The following TTC29 variants were observed in gnomAD, a reference collection of about 807,000 sequenced individuals.
TTC29 encodes tetratricopeptide repeat domain 29, also known as tetratricopeptide repeat protein 29.
Under a neutral mutation model 58.1 loss-of-function variants are expected in TTC29, and 49 were observed. The observed-to-expected ratio is 0.84, with a 90% CI of 0.67 to 1.07. The LOEUF is 1.07. TTC29 is among the 50% of genes least tolerant of loss of function. The pLI is 0.00. For synonymous variants in TTC29, 209 were observed against 196.8 expected, an observed-to-expected ratio of 1.06 and a Z score of -0.52; for missense variants, 582 against 555.6, an observed-to-expected ratio of 1.05 and a Z score of -0.48.
intron 11 of TTC29, among the ~76,000 whole-genome samples, chr4:146,716,341 G>A (rs1278425783): frequency 6.6e-6 from 1 of 151,982 alleles, no homozygotes; most frequent in Non-Finnish European, 1.5e-5. Flanking sequence ...GTAACAGTTT[G>A]GAAAATATAC....
At chr4:146,820,815 G>A (rs778548400) in intron 9 of TTC29, among the ~76,000 whole-genome samples, 8 of 152,104 alleles carry the variant, frequency 5.3e-5, no homozygotes, top group Non-Finnish European at 1.0e-4. Context: ...GGCGGATCAC[G>A]AGGTCAGGAG....
intron 4 of TTC29, among the ~76,000 whole-genome samples, chr4:146,935,422 T>C (rs1038208911): frequency 6.6e-6 from 1 of 152,202 alleles, no homozygotes; most frequent in African/African-American, 2.4e-5. Context: ...AGGATATATC[T>C]TAGACATTGT....
At chr4:146,855,105 T>A (rs1729756441) in intron 8 of TTC29, among the ~76,000 whole-genome samples, 1 of 152,114 alleles carries the variant, frequency 6.6e-6, no homozygotes, top group African/African-American at 2.4e-5. Context: ...AAGACCAGCC[T>A]GGCCAATATG....
chr4:146,778,296 C>T (rs1366189917), intron 11 of TTC29, among the ~76,000 whole-genome samples: 9 of 151,602 alleles, frequency 5.9e-5, no homozygotes, highest in Admixed American at 3.3e-4. Context: ...AGCTCTATTT[C>T]GTTAATTTTG....
In TTC29 at chr4:146,814,923, C is replaced by T. The variant is rs554840010; in HGVS notation, c.1101+5202G>A. On this transcript the variant is annotated intron_variant, in intron 10 of 12. Coordinates refer to ENST00000325106, the MANE Select transcript of TTC29 (RefSeq NM_031956.4). ...TGTTCTAAGGCAGGAACTAGCTTAA[C>T]ATGCTTAAAGAACTCCAAGAATGTC... 1.3e-4 allele frequency among the ~76,000 whole-genome samples: 20 copies of T among 152,172 alleles called. 1 individual carries two copies. In the South Asian group the frequency reaches 3.1e-3, roughly 24 times the overall value.
intron 11 of TTC29, among the ~76,000 whole-genome samples, chr4:146,775,649 A>T (rs1317385548): frequency 6.6e-6 from 1 of 151,664 alleles, no homozygotes; most frequent in African/African-American, 2.4e-5. Context: ...TTCTCTTTGT[A>T]GATGATCTGC....
chr4:146,794,898 T>C (rs1331256443), intron 11 of TTC29, among the ~76,000 whole-genome samples: 1 of 152,144 alleles, frequency 6.6e-6, no homozygotes, highest in African/African-American at 2.4e-5. Context: ...ATCAGACTTA[T>C]CTCACTAAAG....
chr4:146,801,978 C>CA (rs57486017), intron 11 of TTC29, among the ~76,000 whole-genome samples: 1,670 of 38,786 alleles, frequency 0.043, 367 homozygotes, highest in Non-Finnish European at 0.08. Flanking sequence ...GACTCTGTCT[C>CA]AAAAAAAAAA....
chr4:146,819,568 G>A (rs1302094085), intron 10 of TTC29, among the ~76,000 whole-genome samples: 1 of 152,108 alleles, frequency 6.6e-6, no homozygotes, highest in African/African-American at 2.4e-5. Context: ...ACTAATAACA[G>A]CTTCTTGAAT....
chr4:146,834,041 G>T, intron 8 of TTC29, 144 bp from the exon 9 acceptor site: 1 of 537,770 alleles, frequency 1.9e-6, no homozygotes, highest in Non-Finnish European at 3.2e-6. Flanking sequence ...ATGTTGGTTT[G>T]GTTTATTTTT....
chr4:146,721,902 C>T (rs1743385126), intron 11 of TTC29, among the ~76,000 whole-genome samples: 2 of 152,034 alleles, frequency 1.3e-5, no homozygotes, highest in South Asian at 4.2e-4. Flanking sequence ...GATTCTATAC[C>T]TAGAAAACCC....
intron 11 of TTC29, among the ~76,000 whole-genome samples, chr4:146,786,259 A>C (rs1749005535): frequency 1.3e-5 from 2 of 152,208 alleles, no homozygotes; most frequent in Admixed American, 6.5e-5. Flanking sequence ...TGTAAGGTAT[A>C]ATGCACAAGT....
At chr4:146,842,170 T>C (rs1240285511) in intron 8 of TTC29, among the ~76,000 whole-genome samples, 2 of 152,050 alleles carry the variant, frequency 1.3e-5, no homozygotes, top group Non-Finnish European at 2.9e-5. Flanking sequence ...CAGCTCAAAA[T>C]GTGCATAGTG....
In TTC29 at chr4:146,886,528, T is replaced by G. The variant is rs917400860; in HGVS notation, c.587-11600A>C. Among the ~76,000 whole-genome samples, 19 of 152,266 alleles carry G rather than the reference T, an allele frequency of 1.2e-4. No homozygotes were observed. The East Asian group carries it at 3.7e-3, about 29-fold the overall frequency. On this transcript the variant is annotated intron_variant, in intron 6 of 12. Transcript: ENST00000325106. ...CCCACTGATAGAATGGGATACTCAT[T>G]GAACACGACATGGGAAGCGTGGGCT...
intron 6 of TTC29, among the ~76,000 whole-genome samples, chr4:146,900,835 TTA>T (rs1554031683): frequency 6.6e-6 from 1 of 152,172 alleles, no homozygotes; most frequent in Non-Finnish European, 1.5e-5. Flanking sequence ...AAGTTTTATG[TTA>T]TGTTTTTCAC....
At chr4:146,906,995 G>T (rs180671415) in intron 5 of TTC29, among the ~76,000 whole-genome samples, 46 of 152,224 alleles carry the variant, frequency 3.0e-4, no homozygotes, top group East Asian at 2.7e-3. Context: ...GGTGGTTTGT[G>T]CCTGTAGTCC....
At chr4:146,908,948 T>C in intron 5 of TTC29, 78 bp downstream of exon 5, 2 of 1,247,850 alleles carry the variant, frequency 1.6e-6, no homozygotes, top group Non-Finnish European at 2.3e-6. Flanking sequence ...AATTCATACA[T>C]GAAACAATCT....
In TTC29 at chr4:146,848,360, T is replaced by C. The variant is rs571706831; in HGVS notation, c.886-14463A>G. 2.6e-5 allele frequency among the ~76,000 whole-genome samples: 4 copies of C among 152,360 alleles called. No homozygotes were observed. In the South Asian group the frequency reaches 8.3e-4, roughly 32 times the overall value. ...GAAATAATGTTTTTACACAGTTTACTGTGTAATATTATAAGATGAAGAATG... is the reference window on the plus strand; with the variant it reads ...GAAATAATGTTTTTACACAGTTTACCGTGTAATATTATAAGATGAAGAATG... On this transcript the variant is annotated intron_variant, in intron 8 of 12. Coordinates refer to ENST00000325106, the MANE Select transcript of TTC29 (RefSeq NM_031956.4).
In TTC29 at chr4:146,941,131, G is replaced by T. The variant is rs147221095; in HGVS notation, c.-6-1230C>A. Among the ~76,000 whole-genome samples the T allele has an allele frequency of 2.6e-5, 4 of 152,204 alleles. No homozygotes were observed. In the East Asian group the frequency reaches 7.7e-4, roughly 29 times the overall value. On this transcript the variant is annotated intron_variant, in intron 2 of 12. Coordinates refer to ENST00000325106, the MANE Select transcript of TTC29 (RefSeq NM_031956.4). ...CTTAGAATAGAAAAATTGTTACATG[G>T]TGCAAGGGCTGTCAGATACAAAAGA...
Sources: gnomAD v4.1 joint callset for allele counts (sites outside exome capture counted in the v4.1 genomes callset) on GRCh38, gnomAD v4.1.1 for gene constraint, MANE v1.5 for transcripts, NCBI Gene and HGNC (gene_info 2026-07-23, HGNC 2026-07-21) for gene names.